Variants in ZNF831 observed in about 807,000 individuals in gnomAD.
The protein encoded by ZNF831 is chromosome 20 open reading frame 174.
In ZNF831, 59 loss-of-function variants were observed where a neutral mutation model predicts 95.8. The observed-to-expected ratio is 0.62, with a 90% CI of 0.50 to 0.77. The LOEUF (loss-of-function observed/expected upper bound fraction) is 0.77. Ranked by LOEUF, ZNF831 falls within the 30% of genes least tolerant of loss-of-function variation. The pLI is 0.00. For synonymous variants in ZNF831, 961 were observed against 925.5 expected, an observed-to-expected ratio of 1.04 and a Z score of -0.70; for missense variants, 2,205 against 2,164.0, an observed-to-expected ratio of 1.02 and a Z score of -0.38.
intron 4 of ZNF831, among the ~76,000 whole-genome samples, chr20:59,245,110 G>A (rs545673767): frequency 6.6e-6 from 1 of 152,320 alleles, no homozygotes; most frequent in South Asian, 2.1e-4. Flanking sequence ...AAGCCACGGT[G>A]AAGCTTTGCT....
intron 1 of ZNF831, among the ~76,000 whole-genome samples, chr20:59,143,119 C>A (rs1180273447): frequency 3.3e-5 from 5 of 152,194 alleles, no homozygotes; most frequent in Non-Finnish European, 7.3e-5. Context: ...AGCTGGACTT[C>A]AACTTCTGGC....
chr20:59,222,697 C>T (rs1986169374), intron 4 of ZNF831, among the ~76,000 whole-genome samples: 1 of 152,194 alleles, frequency 6.6e-6, no homozygotes, highest in Non-Finnish European at 1.5e-5. Flanking sequence ...TAGCGCCCAT[C>T]GCGGGCACCG....
In ZNF831 at chr20:59,191,297, C is replaced by G. The variant is rs2146545651; in HGVS notation, c.278C>G (p.Pro93Arg). 2 of 1,589,310 alleles carry G rather than the reference C, an allele frequency of 1.3e-6. No individual in the cohort carries two copies. The part of the protein sequence containing the change: ...DGGNVPFILS[P>R]VLQPEGPGPT... ...GGCAACGTGCCCTTCATACTCAGCC[C>G]TGTGCTGCAGCCTGAAGGGCCTGGC... Residue 93 changes from proline to arginine, a missense_variant, in exon 2 of 6, where the codon CCT becomes CGT. By Grantham distance (103) the Pro-to-Arg change is moderately radical. Transcript: ENST00000371030.
intron 4 of ZNF831, among the ~76,000 whole-genome samples, chr20:59,229,640 C>T (rs118170335): frequency 0.017 from 2,644 of 152,238 alleles, 39 homozygotes; most frequent in Non-Finnish European, 0.026. Flanking sequence ...TATAACAAGG[C>T]GTCTGGGTAT....
At chr20:59,154,655 G>A (rs546471016) in intron 2 of ZNF831, among the ~76,000 whole-genome samples, 12 of 152,248 alleles carry the variant, frequency 7.9e-5, no homozygotes, top group East Asian at 7.7e-4. Context: ...ATCTGTCCCC[G>A]GCATGCTGCC....
rs1988210362 is a variant in ZNF831 at position 59,256,823 on chromosome 20, A to C, written c.*2080A>C. 6.6e-6 allele frequency: 1 copy of C among 152,252 alleles called. No individual in the cohort carries two copies. The highest frequency in any genetic ancestry group is 6.6e-5 in the Admixed American group (1 of 15,266). 9.4% of individuals were successfully genotyped at this position (152,252 alleles called of 1,614,324 possible). On this transcript the variant is annotated 3_prime_UTR_variant, in exon 6 of 6. Coordinates refer to ENST00000371030, the MANE Select transcript of ZNF831 (RefSeq NM_178457.3). Reference sequence around the variant, plus strand: ...ACCTGAGCCTGAAGAAGCTCCATCTAATTTTTTCCCCAGAGTTCCAGATTT... The same window carrying C: ...ACCTGAGCCTGAAGAAGCTCCATCTCATTTTTTCCCCAGAGTTCCAGATTT...
At chr20:59,243,808 A>G (rs529956329) in intron 4 of ZNF831, among the ~76,000 whole-genome samples, 2 of 152,346 alleles carry the variant, frequency 1.3e-5, no homozygotes, top group South Asian at 4.1e-4. Flanking sequence ...AAACACATCA[A>G]TTATATCCCA....
intron 3 of ZNF831, among the ~76,000 whole-genome samples, chr20:59,206,055 T>A (rs546652337): frequency 8.5e-5 from 13 of 152,242 alleles, no homozygotes; most frequent in Admixed American, 2.0e-4. Flanking sequence ...GCTCTAGTGT[T>A]TTTCTTTCTC....
intron 1 of ZNF831, among the ~76,000 whole-genome samples, chr20:59,144,072 T>C (rs2146446647): frequency 6.6e-6 from 1 of 152,290 alleles, no homozygotes; most frequent in Admixed American, 6.5e-5. Context: ...GGCATTTTGT[T>C]TCTTTCTATT....
chr20:59,163,816 G>T (rs1981038290), upstream of ZNF831, among the ~76,000 whole-genome samples: 1 of 150,824 alleles, frequency 6.6e-6, no homozygotes, highest in South Asian at 2.1e-4. Flanking sequence ...TCCTATTTCT[G>T]GGCCATACCA....
At chr20:59,248,753 T>C (rs1054340667) in intron 4 of ZNF831, among the ~76,000 whole-genome samples, 3 of 152,266 alleles carry the variant, frequency 2.0e-5, no homozygotes, top group African/African-American at 7.2e-5. Context: ...AGGAAATGCA[T>C]ATCATCACCA....
intron 1 of ZNF831, among the ~76,000 whole-genome samples, chr20:59,144,595 C>T (rs765360265): frequency 1.8e-4 from 28 of 152,144 alleles, no homozygotes; most frequent in African/African-American, 5.1e-4. Flanking sequence ...GAGATGGTGA[C>T]GGGAAGGGCT....
At chr20:59,234,935 A>G (rs1986918755) in intron 4 of ZNF831, among the ~76,000 whole-genome samples, 1 of 152,116 alleles carries the variant, frequency 6.6e-6, no homozygotes, top group African/African-American at 2.4e-5. Flanking sequence ...CATTATTGTT[A>G]CCTAAATTCA....
At chr20:59,160,320 T>G (rs930239329), upstream of ZNF831, 3 of 152,316 alleles carry the variant, frequency 2.0e-5, no homozygotes, top group African/African-American at 7.2e-5. Context: ...ATGAGTTCAA[T>G]TCCCAGAAGA....
rs776168252 is a variant in ZNF831 at position 59,192,866 on chromosome 20, C to G, written c.1847C>G (p.Ser616Cys). Reference sequence around the variant, plus strand: ...GGCCAGAGAAGGCTGAAGATGTTCTCCCAGGAGAAGTGGCAGGTGTACGGG... The same window carrying G: ...GGCCAGAGAAGGCTGAAGATGTTCTGCCAGGAGAAGTGGCAGGTGTACGGG... ...KCGQRRLKMF[S>C]QEKWQVYGDE... The change falls in exon 2 of 6, where the codon TCC becomes TGC. Residue 616 changes from serine (S) to cysteine (C), a missense_variant. By Grantham distance (112) the Ser-to-Cys change is moderately radical. Coordinates refer to ENST00000371030, the MANE Select transcript of ZNF831 (RefSeq NM_178457.3). This position sits in a 1 kb window ranked among gnomAD's most constrained non-coding sequence, Gnocchi z 5.2. 1 of 1,601,110 alleles carries G rather than the reference C, an allele frequency of 6.2e-7. No individual in the cohort carries two copies. Among genetic ancestry groups the G allele is most frequent in the African/African-American group, 1.3e-5 (1 of 74,810 alleles).
chr20:59,224,177 A>G (rs1601420514), intron 4 of ZNF831, among the ~76,000 whole-genome samples: 1 of 151,624 alleles, frequency 6.6e-6, no homozygotes, highest in Non-Finnish European at 1.5e-5. Context: ...GGGTGGGGGG[A>G]CTTCCTCTTG....
chr20:59,147,440 C>T (rs1015705037), intron 2 of ZNF831, among the ~76,000 whole-genome samples: 1 of 152,204 alleles, frequency 6.6e-6, no homozygotes, highest in East Asian at 1.9e-4. Context: ...TGACCTTGTC[C>T]CCTCTGGGTG....
intron 4 of ZNF831, among the ~76,000 whole-genome samples, chr20:59,224,011 C>T (rs1029980735): frequency 2.0e-5 from 3 of 152,342 alleles, no homozygotes; most frequent in Non-Finnish European, 2.9e-5. Flanking sequence ...ACACTGAAAC[C>T]GGTGTGGCCA....
intron 2 of ZNF831, among the ~76,000 whole-genome samples, chr20:59,158,309 A>T (rs1409737167): frequency 6.6e-6 from 1 of 152,244 alleles, no homozygotes; most frequent in Non-Finnish European, 1.5e-5. Context: ...AGCCAGCTTG[A>T]TGGAGCCATC....
Sources: allele counts gnomAD v4.1 joint callset (sites outside exome capture counted in the v4.1 genomes callset), GRCh38; gene constraint gnomAD v4.1.1; non-coding constraint Gnocchi (gnomAD v3.1); transcripts MANE v1.5; gene names NCBI Gene and HGNC (gene_info 2026-07-23, HGNC 2026-07-21).